GRK5: variants seen among roughly 807,000 people sequenced by gnomAD.
The protein encoded by GRK5 is g protein-coupled receptor kinase GRK5.
GRK5 carries 40 observed loss-of-function variants against 78.4 expected under a neutral mutation model. The ratio of observed to expected loss-of-function variants is 0.51; its 90% CI spans 0.40 to 0.66. GRK5 has a LOEUF of 0.66. Ranked by LOEUF, GRK5 falls within the 30% of genes least tolerant of loss-of-function variation. The pLI is 0.00. For missense variants in GRK5, 598 were observed against 759.9 expected (o/e 0.79, Z 2.50); for synonymous variants, 289 against 296.8 (o/e 0.97, Z 0.27).
At chr10:119,370,190 C>G (rs1021458827) in intron 2 of GRK5, among the ~76,000 whole-genome samples, 2 of 152,182 alleles carry the variant, frequency 1.3e-5, no homozygotes, top group African/African-American at 4.8e-5. Flanking sequence ...CCACCCTTTT[C>G]TTCCTTCCAC....
chr10:119,332,376 G>A (rs1432064912), intron 2 of GRK5, among the ~76,000 whole-genome samples: 6 of 152,110 alleles, frequency 3.9e-5, no homozygotes, highest in African/African-American at 1.4e-4. Flanking sequence ...TGAAATGCTG[G>A]GATTACAGGC....
chr10:119,301,259 T>G (rs1850177069), intron 1 of GRK5, among the ~76,000 whole-genome samples: 1 of 152,174 alleles, frequency 6.6e-6, no homozygotes, highest in South Asian at 2.1e-4. Context: ...ATCTACCTTG[T>G]GGTGGTTCTA....
At chr10:119,388,358 A>G (rs762905813) in intron 3 of GRK5, among the ~76,000 whole-genome samples, 1 of 151,356 alleles carries the variant, frequency 6.6e-6, no homozygotes, top group Non-Finnish European at 1.5e-5. Context: ...CTTTTTTGAG[A>G]CAGAGTCTCA....
At chr10:119,427,933 TC>T (rs1331624592) in intron 6 of GRK5, among the ~76,000 whole-genome samples, 2 of 36,846 alleles carry the variant, frequency 5.4e-5, no homozygotes, top group Non-Finnish European at 1.1e-4. Flanking sequence ...ACTGCCATCA[TC>T]AGCCTCACTG....
intron 1 of GRK5, among the ~76,000 whole-genome samples, chr10:119,297,865 T>G (rs189268987): frequency 1.3e-5 from 2 of 152,376 alleles, no homozygotes; most frequent in African/African-American, 2.4e-5. Context: ...CAAAACAGAC[T>G]AAGCAGACTT....
intron 3 of GRK5, among the ~76,000 whole-genome samples, chr10:119,383,784 C>T (rs188433074): frequency 3.5e-4 from 54 of 152,250 alleles, no homozygotes; most frequent in African/African-American, 1.1e-3. Flanking sequence ...TCTGATATGA[C>T]GCAGGGTTCT....
rs1209795722 is a variant in GRK5 at position 119,238,565 on chromosome 10, C to T, written c.52+30596C>T. Among the ~76,000 whole-genome samples the T allele has an allele frequency of 1.3e-5, 2 of 152,170 alleles. No individual in the cohort carries two copies. The highest frequency in any genetic ancestry group is 2.9e-5 in the Non-Finnish European group (2 of 68,044). ...AAAGCATCCCTGGATCCTTTGGCTT[C>T]TTGGACAATATGCAGGAAAACACCC... On this transcript the variant is annotated intron_variant, in intron 1 of 15. Transcript: ENST00000392870. This position sits in a 1 kb window ranked among gnomAD's most constrained non-coding sequence, Gnocchi z 4.7.
intron 1 of GRK5, among the ~76,000 whole-genome samples, chr10:119,293,700 T>G (rs1296311188): frequency 7.1e-6 from 1 of 140,642 alleles, no homozygotes; most frequent in Admixed American, 7.1e-5. Context: ...TAGGAGGGAG[T>G]GGATGATGGC....
intron 1 of GRK5, among the ~76,000 whole-genome samples, chr10:119,295,599 A>G (rs1399917980): frequency 1.3e-5 from 2 of 152,192 alleles, no homozygotes; most frequent in African/African-American, 2.4e-5. Flanking sequence ...AGATATATAT[A>G]TATATGATGG....
At chr10:119,341,356 C>T (rs573105361) in intron 2 of GRK5, among the ~76,000 whole-genome samples, 6 of 152,210 alleles carry the variant, frequency 3.9e-5, no homozygotes, top group Admixed American at 6.5e-5. Flanking sequence ...CCGGCCTCTC[C>T]GCCCTTGCTG....
intron 1 of GRK5, among the ~76,000 whole-genome samples, chr10:119,269,466 C>T (rs1219895047): frequency 6.6e-6 from 1 of 151,996 alleles, no homozygotes; most frequent in Non-Finnish European, 1.5e-5. Flanking sequence ...ATGAGGCTTC[C>T]GTGGGTAGGC....
chr10:119,398,647 A>G (rs1005094498), intron 4 of GRK5, among the ~76,000 whole-genome samples: 5 of 152,210 alleles, frequency 3.3e-5, no homozygotes, highest in African/African-American at 9.6e-5. Flanking sequence ...ACCACTGTCT[A>G]TAGTCCTTGC....
In GRK5 at chr10:119,439,781, C is replaced by G; in HGVS notation, c.967+13C>G. 6.2e-7 allele frequency: 1 copy of G among 1,613,094 alleles called. No individual in the cohort carries two copies. Among genetic ancestry groups the G allele is most frequent in the Non-Finnish European group, 8.5e-7 (1 of 1,179,398 alleles). On this transcript the variant is annotated intron_variant, in intron 10 of 15. Transcript: ENST00000392870. ...TTAGATGATTATGGTAAGTCTTTTC[C>G]TACTCGGTAGCTGAGGTGAGCATTG...
rs547661286 is a variant in GRK5 at position 119,378,436 on chromosome 10, C to T, written c.149-2379C>T. 6.6e-6 allele frequency among the ~76,000 whole-genome samples: 1 copy of T among 152,322 alleles called. No individual in the cohort carries two copies. Among genetic ancestry groups the T allele is most frequent in the Admixed American group, 6.5e-5 (1 of 15,298 alleles). ...AATACTCACTCGGGAGAGAATGAAACGTTTTAGAGTGCCTTCTTCAACATA... is the reference window on the plus strand; with the variant it reads ...AATACTCACTCGGGAGAGAATGAAATGTTTTAGAGTGCCTTCTTCAACATA... On this transcript the variant is annotated intron_variant, in intron 2 of 15. Coordinates refer to ENST00000392870, the MANE Select transcript of GRK5 (RefSeq NM_005308.3). This position sits in a 1 kb window ranked among gnomAD's most constrained non-coding sequence, Gnocchi z 4.5.
At position 119,418,044 on chromosome 10, in the gene GRK5, G is replaced by T. The variant is rs140785774; in HGVS notation, c.340-5122G>T. ...AGGTGGTAAGAAGGAGTGAGTCATC[G>T]GGGGTCCCGAGGGGAGTTCCAAACC... On this transcript the variant is annotated intron_variant, in intron 4 of 15. Coordinates refer to ENST00000392870, the MANE Select transcript of GRK5 (RefSeq NM_005308.3). Among the ~76,000 whole-genome samples the T allele has an allele frequency of 3.0e-3, 464 of 152,274 alleles. 5 individuals are homozygous for T. Among genetic ancestry groups the T allele is most frequent in the African/African-American group, 0.011 (438 of 41,562 alleles).
At chr10:119,391,337 A>G (rs1851885151) in intron 3 of GRK5, among the ~76,000 whole-genome samples, 1 of 152,130 alleles carries the variant, frequency 6.6e-6, no homozygotes, top group South Asian at 2.1e-4. Flanking sequence ...ACTGCTCGCC[A>G]TTCTCACTGG....
rs1191706517 is a variant in GRK5 at position 119,396,740 on chromosome 10, A to G, written c.307A>G (p.Lys103Glu). Residue 103 changes from lysine (K) to glutamate (E), a missense_variant, in exon 4 of 16, where the codon AAG becomes GAG. Transcript: ENST00000392870. ...AGATGAAAAACTGGGAGAGAAAGGGAAGGAAATTATGACCAAGTACCTCAC... is the reference window on the plus strand; with the variant it reads ...AGATGAAAAACTGGGAGAGAAAGGGGAGGAAATTATGACCAAGTACCTCAC... ...TPDEKLGEKGKEIMTKYLTPK... is the reference protein window; with the variant it reads ...TPDEKLGEKGEEIMTKYLTPK... The G allele has an allele frequency of 2.5e-6, 4 of 1,613,844 alleles. No homozygotes were observed. The South Asian group carries it at 4.4e-5, about 18-fold the overall frequency.
intron 4 of GRK5, among the ~76,000 whole-genome samples, chr10:119,419,391 C>T (rs1589799824): frequency 6.6e-6 from 1 of 152,210 alleles, no homozygotes; most frequent in African/African-American, 2.4e-5. Flanking sequence ...AATAAATGTC[C>T]GACTACAACT....
intron 2 of GRK5, among the ~76,000 whole-genome samples, chr10:119,354,568 A>G (rs1015317221): frequency 2.0e-5 from 3 of 151,912 alleles, no homozygotes; most frequent in Non-Finnish European, 4.4e-5. Context: ...TGCCTGGCTA[A>G]TTTTTGTATT....
Sources: gnomAD v4.1 joint callset for allele counts (sites outside exome capture counted in the v4.1 genomes callset) on GRCh38, gnomAD v4.1.1 for gene constraint, Gnocchi (gnomAD v3.1) non-coding constraint, MANE v1.5 for transcripts, NCBI Gene and HGNC (gene_info 2026-07-23, HGNC 2026-07-21) for gene names.